SMIM13: variants seen among roughly 807,000 people sequenced by gnomAD.
SMIM13 encodes the protein small integral membrane protein 13.
Under a neutral mutation model 5.9 loss-of-function variants are expected in SMIM13, and 3 were observed. The ratio of observed to expected loss-of-function variants is 0.51; its 90% CI spans 0.23 to 1.31. The LOEUF (loss-of-function observed/expected upper bound fraction) is 1.31. Ranked by LOEUF, SMIM13 falls within the 40% of genes most tolerant of loss-of-function variation. The pLI is 0.18. For missense variants in SMIM13, 85 were observed against 109.9 expected, an observed-to-expected ratio of 0.77 and a Z score of 1.01; for synonymous variants, 55 against 46.0, an observed-to-expected ratio of 1.19 and a Z score of -0.79.
chr6:11,095,263 C>T (rs1363748480), intron 1 of SMIM13, among the ~76,000 whole-genome samples: 1 of 152,194 alleles, frequency 6.6e-6, no homozygotes, highest in Non-Finnish European at 1.5e-5. Context: ...GATAAATGTA[C>T]AAATTAATAC....
At chr6:11,125,279 AGT>A (rs1758363487) in intron 1 of SMIM13, among the ~76,000 whole-genome samples, 1 of 118,862 alleles carries the variant, frequency 8.4e-6, no homozygotes, top group South Asian at 3.1e-4. Context: ...TGGGCAACAG[AGT>A]GAGACTCCAT....
At chr6:11,103,765 G>A (rs777655709) in intron 1 of SMIM13, 16 of 1,551,684 alleles carry the variant, frequency 1.0e-5, no homozygotes, top group South Asian at 4.8e-5. Flanking sequence ...TTTATGGCCT[G>A]AAGGCGAGAG....
At position 11,135,754 on chromosome 6, in the gene SMIM13, T is replaced by C. The variant is rs1758509980; in HGVS notation, c.*1152T>C. ...TCTTTACATATGCACAAGATTGATG[T>C]GATAAAAATCTGTTTAACTCAAAGC... On this transcript the variant is annotated 3_prime_UTR_variant, in exon 2 of 2. Coordinates refer to ENST00000416247, the MANE Select transcript of SMIM13 (RefSeq NM_001135575.2). 6.6e-6 allele frequency: 1 copy of C among 152,382 alleles called. No individual in the cohort carries two copies. The highest frequency in any genetic ancestry group is 6.5e-5 in the Admixed American group (1 of 15,282). 9.4% of individuals were successfully genotyped at this position (152,382 alleles called of 1,614,324 possible).
chr6:11,134,431 A>G lies in SMIM13; in HGVS notation c.105A>G (p.Leu35=), dbSNP rs1396203708. The G allele has an allele frequency of 3.2e-6, 5 of 1,550,158 alleles. No individual in the cohort carries two copies. Among genetic ancestry groups the G allele is most frequent in the Non-Finnish European group, 1.7e-6 (2 of 1,146,372 alleles). The change falls in exon 2 of 2, where the codon TTA becomes TTG. Residue 35 remains leucine, a synonymous_variant. Coordinates refer to ENST00000416247, the MANE Select transcript of SMIM13 (RefSeq NM_001135575.2). The stretch of plus-strand genomic sequence containing the variant: ...GGTATTTTGTATGGCATCTTTTTTT[A>G]TCAAAATTCAAGTTTCTCCGGGAAC... The part of the protein sequence containing the change: ...CGWYFVWHLF[L]SKFKFLRELV...
At chr6:11,100,878 G>A (rs1247425733) in intron 1 of SMIM13, among the ~76,000 whole-genome samples, 1 of 151,772 alleles carries the variant, frequency 6.6e-6, no homozygotes, top group Non-Finnish European at 1.5e-5. Flanking sequence ...ATGCTTTTTG[G>A]ATAGCCTTTT....
intron 1 of SMIM13, chr6:11,103,759 T>C (rs149257390): frequency 3.9e-6 from 6 of 1,551,680 alleles, no homozygotes; most frequent in South Asian, 1.2e-5. Flanking sequence ...TGGAGCTTTA[T>C]GGCCTGAAGG....
At chr6:11,112,134 T>TCATC (rs1388608044) in intron 1 of SMIM13, among the ~76,000 whole-genome samples, 1 of 152,154 alleles carries the variant, frequency 6.6e-6, no homozygotes, top group East Asian at 1.9e-4. Flanking sequence ...AACCGCCTGA[T>TCATC]CATCACCTGA....
In SMIM13 at chr6:11,100,684, C is replaced by T. The variant is rs574739304; in HGVS notation, c.76+6295C>T. Among the ~76,000 whole-genome samples the T allele has an allele frequency of 2.6e-5, 4 of 152,134 alleles. No individual in the cohort carries two copies. In the South Asian group the frequency reaches 8.3e-4, roughly 32 times the overall value. On this transcript the variant is annotated intron_variant, in intron 1 of 1. Coordinates refer to ENST00000416247, the MANE Select transcript of SMIM13 (RefSeq NM_001135575.2). The stretch of plus-strand genomic sequence containing the variant: ...TGAGCTAATGCATACCTGAAAATGT[C>T]TCTATTTATTTATATTTTACCTTTA...
chr6:11,110,753 C>G (rs1052687703), intron 1 of SMIM13, among the ~76,000 whole-genome samples: 2 of 152,114 alleles, frequency 1.3e-5, no homozygotes, highest in African/African-American at 4.8e-5. Context: ...TTTGAGAGGG[C>G]AACGTTTATT....
intron 1 of SMIM13, among the ~76,000 whole-genome samples, chr6:11,119,817 T>C (rs914558889): frequency 2.0e-5 from 3 of 152,176 alleles, no homozygotes; most frequent in African/African-American, 7.2e-5. Context: ...AGAAAAGCTT[T>C]GGATTTGGAG....
At position 11,130,553 on chromosome 6, in the gene SMIM13, G is replaced by C. The variant is rs187308480; in HGVS notation, c.77-3850G>C. ...GGTGGGGAGGGGAGTGGTGATAGTAGCCATAACTTGCCTCTCCAAACTCTA... is the reference window on the plus strand; with the variant it reads ...GGTGGGGAGGGGAGTGGTGATAGTACCCATAACTTGCCTCTCCAAACTCTA... On this transcript the variant is annotated intron_variant, in intron 1 of 1. Transcript: ENST00000416247. Among the ~76,000 whole-genome samples, 402 of 152,244 alleles carry C rather than the reference G, an allele frequency of 2.6e-3. 6 individuals carry two copies. In the South Asian group the frequency reaches 0.035, roughly 13 times the overall value.
At chr6:11,125,985 T>G (rs1349322603) in intron 1 of SMIM13, among the ~76,000 whole-genome samples, 1 of 152,206 alleles carries the variant, frequency 6.6e-6, no homozygotes. Context: ...GAGGCTATTC[T>G]CTAGATCTTA....
intron 1 of SMIM13, among the ~76,000 whole-genome samples, chr6:11,133,956 C>T (rs1419135484): frequency 3.3e-5 from 5 of 151,732 alleles, no homozygotes. Context: ...TAGTTTTCAT[C>T]ATAGTGCAGT....
At chr6:11,132,482 G>A (rs771427132) in intron 1 of SMIM13, among the ~76,000 whole-genome samples, 31 of 152,074 alleles carry the variant, frequency 2.0e-4, no homozygotes, top group Admixed American at 2.0e-4. Flanking sequence ...TCAAAAAGTG[G>A]CAACTTTGTT....
In SMIM13 at chr6:11,104,551, C is replaced by T. The variant is rs772643136; in HGVS notation, c.76+10162C>T. 25 of 1,594,664 alleles carry T rather than the reference C, an allele frequency of 1.6e-5. No individual in the cohort carries two copies. The highest frequency in any genetic ancestry group is 1.1e-4 in the South Asian group (10 of 89,094). Reference sequence around the variant, plus strand: ...ATAGTCATGCCTGCTAAGACTTGGACGCAGGGTGTTTGGCTCTGGTTAGCT... The same window carrying T: ...ATAGTCATGCCTGCTAAGACTTGGATGCAGGGTGTTTGGCTCTGGTTAGCT... On this transcript the variant is annotated intron_variant, in intron 1 of 1. Coordinates refer to ENST00000416247, the MANE Select transcript of SMIM13 (RefSeq NM_001135575.2).
At chr6:11,124,027 A>G (rs1237008239) in intron 1 of SMIM13, among the ~76,000 whole-genome samples, 1 of 152,098 alleles carries the variant, frequency 6.6e-6, no homozygotes, top group Non-Finnish European at 1.5e-5. Flanking sequence ...TCTTTTAGTT[A>G]TTTTTATAAA....
At position 11,104,279 on chromosome 6, in the gene SMIM13, C is replaced by T. The variant is rs368215241; in HGVS notation, c.76+9890C>T. 76 of 1,551,626 alleles carry T rather than the reference C, an allele frequency of 4.9e-5. No homozygotes were observed. The South Asian group carries it at 5.4e-4, about 11-fold the overall frequency. On this transcript the variant is annotated intron_variant, in intron 1 of 1. Transcript: ENST00000416247. ...GGATTGCCCTCCTCACCCTGGGCAA[C>T]GGGGAATTCCCATAGATTGGTATTG...
intron 1 of SMIM13, among the ~76,000 whole-genome samples, chr6:11,102,280 C>T (rs913224266): frequency 6.6e-6 from 1 of 152,112 alleles, no homozygotes; most frequent in Non-Finnish European, 1.5e-5. Flanking sequence ...TTTGAAAAAT[C>T]AATTTTTAAA....
intron 1 of SMIM13, among the ~76,000 whole-genome samples, chr6:11,110,912 G>T (rs1758157686): frequency 6.6e-6 from 1 of 152,196 alleles, no homozygotes; most frequent in East Asian, 1.9e-4. Context: ...ACAGAGTGAG[G>T]TCCTATGCAA....
Sources: allele counts gnomAD v4.1 joint callset (sites outside exome capture counted in the v4.1 genomes callset), GRCh38; gene constraint gnomAD v4.1.1; transcripts MANE v1.5; gene names NCBI Gene and HGNC (gene_info 2026-07-23, HGNC 2026-07-21).